The following GBF1 variants were observed in gnomAD, a reference collection of about 807,000 sequenced individuals.
GBF1 encodes the protein golgi brefeldin A resistant guanine nucleotide exchange factor 1, also known as Golgi-specific brefeldin A-resistance guanine nucleotide exchange factor 1.
A neutral mutation model predicts 210.5 loss-of-function variants in GBF1; 114 were observed. The ratio of observed to expected loss-of-function variants is 0.54; its 90% CI spans 0.47 to 0.63. The LOEUF is 0.63. GBF1 is among the 30% of genes least tolerant of loss of function. The pLI, the probability that GBF1 is intolerant of heterozygous loss-of-function variation, is 0.00. For synonymous variants in GBF1, 850 were observed against 889.2 expected (o/e 0.96, Z 0.78); for missense variants, 1,851 against 2,357.7 (o/e 0.79, Z 4.45).
chr10:102,352,677 C>G (rs1414837683), intron 7 of GBF1, among the ~76,000 whole-genome samples, 159 bp downstream of exon 7: 1 of 152,038 alleles, frequency 6.6e-6, no homozygotes, highest in Non-Finnish European at 1.5e-5. Flanking sequence ...GGTTACTGAG[C>G]AAGGGAGAAG....
At position 102,370,569 on chromosome 10, in the gene GBF1, T is replaced by C. The variant is rs919969376; in HGVS notation, c.3506+91T>C. On this transcript the variant is annotated intron_variant, in intron 28 of 39. Coordinates refer to ENST00000369983, the MANE Select transcript of GBF1 (RefSeq NM_001377137.1). ...TTGCTGAGTGGGCTCTGGGGAACTGTAGGCAGCAGGGGAGAAGCTTACTCA... is the reference window on the plus strand; with the variant it reads ...TTGCTGAGTGGGCTCTGGGGAACTGCAGGCAGCAGGGGAGAAGCTTACTCA... 23 of 1,307,480 alleles carry C rather than the reference T, an allele frequency of 1.8e-5. No individual in the cohort carries two copies. The South Asian group carries it at 1.9e-4, about 11-fold the overall frequency. 81.0% of individuals were successfully genotyped at this position (1,307,480 alleles called of 1,614,324 possible).
chr10:102,236,709 G>T, the GBF1 span, among the ~76,000 whole-genome samples: 1 of 152,224 alleles, frequency 6.6e-6, no homozygotes, highest in African/African-American at 2.4e-5. Context: ...CTTAAGTCCT[G>T]AAGCCAGAGA....
chr10:102,276,066 G>C (rs899352460), intron 3 of GBF1, among the ~76,000 whole-genome samples: 1 of 151,762 alleles, frequency 6.6e-6, no homozygotes, highest in Non-Finnish European at 1.5e-5. Context: ...GTGAAACCTC[G>C]TCTCTATTAA....
intron 10 of GBF1, chr10:102,359,027 AGAG>A: frequency 1.7e-6 from 1 of 589,978 alleles, no homozygotes; most frequent in Non-Finnish European, 3.0e-6. Context: ...TAAGCCTGTG[AGAG>A]GCTCTGTGTC....
At chr10:102,360,451 A>C in intron 12 of GBF1, 56 bp downstream of exon 12, 1 of 1,183,372 alleles carries the variant, frequency 8.5e-7, no homozygotes, top group Admixed American at 1.7e-5. Context: ...AGGGGAACAC[A>C]GGGAGGTCTG....
Position 102,358,572 on chromosome 10 carries a change from T to TG in GBF1, c.856dup (p.Val286GlyfsTer23). 1 of 1,613,738 alleles carries TG rather than the reference T, an allele frequency of 6.2e-7. No individual in the cohort carries two copies. The highest frequency in any genetic ancestry group is 8.5e-7 in the Non-Finnish European group (1 of 1,179,808). ...GCAAGTTCAGAAGCTGCCTCAGCAG[T>TG]GGTCAGTCCCTCTACAGACAGTGGC... On this transcript the variant is annotated frameshift_variant, in exon 10 of 40. Transcript: ENST00000369983. LOFTEE classifies it high-confidence loss of function.
upstream of GBF1, among the ~76,000 whole-genome samples, chr10:102,240,904 C>T (rs1419936567): frequency 6.6e-6 from 1 of 152,172 alleles, no homozygotes; most frequent in Non-Finnish European, 1.5e-5. Context: ...GAGCCTAGGC[C>T]GAGGGGCATC....
chr10:102,374,701 A>G (rs1173393947), intron 29 of GBF1, among the ~76,000 whole-genome samples: 1 of 152,216 alleles, frequency 6.6e-6, no homozygotes, highest in Non-Finnish European at 1.5e-5. Flanking sequence ...ATTAATACAC[A>G]CAAAAATGCA....
At chr10:102,257,902 T>C (rs1303084969) in intron 1 of GBF1, among the ~76,000 whole-genome samples, 2 of 152,074 alleles carry the variant, frequency 1.3e-5, no homozygotes, top group South Asian at 2.1e-4. Context: ...GCCAGAAATA[T>C]TGTTTTTAAC....
chr10:102,340,959 G>A (rs2058142527), intron 3 of GBF1, among the ~76,000 whole-genome samples: 1 of 152,250 alleles, frequency 6.6e-6, no homozygotes, highest in Non-Finnish European at 1.5e-5. Flanking sequence ...ATATTAATAA[G>A]TTGGACTTCA....
In GBF1 at chr10:102,260,473, CTTCTTTT is replaced by C. The variant is rs1416494224; in HGVS notation, c.163+360_163+366del. 3.1e-4 allele frequency among the ~76,000 whole-genome samples: 23 copies of C among 74,788 alleles called. No individual in the cohort carries two copies. The South Asian group carries it at 3.8e-3, about 12-fold the overall frequency. The allele number at this position is 74,788 out of a possible 152,430, so 49.1% of individuals were successfully genotyped here. ...CTGTGCCTGGCCTATATTTTCCTTT[CTTCTTTT>C]TTTTTTTTTTTTTTTTTTTGAGGTA... On this transcript the variant is annotated intron_variant, in intron 3 of 39. Transcript: ENST00000369983.
chr10:102,267,426 A>C (rs551527314), intron 3 of GBF1, among the ~76,000 whole-genome samples: 17 of 152,172 alleles, frequency 1.1e-4, no homozygotes, highest in African/African-American at 3.9e-4. Flanking sequence ...AATTGCTTGA[A>C]CCCAGGAGGT....
chr10:102,365,338 C>A (rs1326320553), intron 17 of GBF1, 59 bp from the exon 18 acceptor site: 2 of 1,337,350 alleles, frequency 1.5e-6, no homozygotes, highest in Non-Finnish European at 2.1e-6. Flanking sequence ...GGACTCCAGG[C>A]TGGCCTTGTC....
At chr10:102,379,736 C>A in intron 35 of GBF1, 85 bp downstream of exon 35, 1 of 1,513,602 alleles carries the variant, frequency 6.6e-7, no homozygotes, top group South Asian at 1.1e-5. Flanking sequence ...TAATGTGAGT[C>A]TTCAGCCTGC....
rs1242187196 is a variant in GBF1, at chr10:102,363,585, G to C, written c.2018-125G>C. The C allele has an allele frequency of 2.2e-5, 18 of 817,674 alleles. No homozygotes were observed. The Admixed American group carries it at 3.7e-4, about 17-fold the overall frequency. The allele number at this position is 817,674 out of a possible 1,614,324, so 50.7% of individuals were successfully genotyped here. On this transcript the variant is annotated intron_variant, in intron 16 of 39. Transcript: ENST00000369983. This position sits in a 1 kb window ranked among gnomAD's most constrained non-coding sequence, Gnocchi z 4.2. ...AGGACTTCCAGGGAAGTGGAAGACT[G>C]GTGAGGACAAGATTTCTGAGGCTCC...
intron 3 of GBF1, among the ~76,000 whole-genome samples, chr10:102,279,233 A>G (rs1192018127): frequency 1.3e-5 from 2 of 152,238 alleles, no homozygotes; most frequent in African/African-American, 4.8e-5. Context: ...GGTTTGGCTC[A>G]ATGAGGCTTG....
In GBF1 at chr10:102,360,392, C is replaced by G. The variant is rs1287834180; in HGVS notation, c.1389C>G (p.Phe463Leu). The change falls in exon 12 of 40, where the codon TTC (phenylalanine) becomes TTG (leucine). Residue 463 changes from phenylalanine (F) to leucine (L), a missense_variant. Physicochemically the swap from Phe to Leu is conservative, Grantham distance 22. Transcript: ENST00000369983. ...AGGATGAGATGTGCCGTCACTTATT[C>G]CAGGTAAGACAAGATTGCTAGAGGG... Reference protein sequence around the residue: ...LIKDEMCRHLFQLLSIERLNL... With the variant: ...LIKDEMCRHLLQLLSIERLNL... 1.3e-6 allele frequency: 2 copies of G among 1,599,948 alleles called. No homozygotes were observed. The highest frequency in any genetic ancestry group is 1.7e-6 in the Non-Finnish European group (2 of 1,167,296).
At chr10:102,311,623 C>T (rs1254346872) in intron 3 of GBF1, among the ~76,000 whole-genome samples, 1 of 152,208 alleles carries the variant, frequency 6.6e-6, no homozygotes, top group African/African-American at 2.4e-5. Flanking sequence ...TCATTTGACC[C>T]TGTCAGTCCC....
chr10:102,320,493 C>T (rs1368989680), intron 3 of GBF1, among the ~76,000 whole-genome samples: 1 of 152,064 alleles, frequency 6.6e-6, no homozygotes, highest in Non-Finnish European at 1.5e-5. Context: ...TTTCCCCCTT[C>T]TCCATTTTTT....
Sources: gnomAD v4.1 joint callset for allele counts (sites outside exome capture counted in the v4.1 genomes callset) on GRCh38, gnomAD v4.1.1 for gene constraint, Gnocchi (gnomAD v3.1) non-coding constraint, MANE v1.5 for transcripts, NCBI Gene and HGNC (gene_info 2026-07-23, HGNC 2026-07-21) for gene names.